Variants in INSC observed in about 807,000 individuals in gnomAD.
INSC encodes protein inscuteable homolog.
INSC carries 67 observed loss-of-function variants against 58.6 expected under a neutral mutation model. The ratio of observed to expected loss-of-function variants is 1.14; its 90% CI spans 0.94 to 1.40. The LOEUF is 1.40. Ranked by LOEUF, INSC falls within the 40% of genes most tolerant of loss-of-function variation. The probability of loss-of-function intolerance (pLI) is 0.00; values close to 1 mark genes in which losing one functional copy is unlikely to be tolerated. For synonymous variants in INSC, 262 were observed against 276.1 expected, an observed-to-expected ratio of 0.95 and a Z score of 0.51; for missense variants, 714 against 692.0, an observed-to-expected ratio of 1.03 and a Z score of -0.36.
At chr11:15,265,703 A>G in the INSC span, among the ~76,000 whole-genome samples, 1 of 151,576 alleles carries the variant, frequency 6.6e-6, no homozygotes, top group Non-Finnish European at 1.5e-5. Context: ...TTACTAGTTT[A>G]TTTAAAGTAC....
intron 2 of INSC, among the ~76,000 whole-genome samples, chr11:15,164,423 C>A (rs564854674): frequency 3.3e-5 from 5 of 152,188 alleles, no homozygotes; most frequent in Non-Finnish European, 7.3e-5. Context: ...CTGAACATCT[C>A]GTTCCTGTGC....
At chr11:15,209,668 T>C (rs1316189936) in intron 7 of INSC, among the ~76,000 whole-genome samples, 1 of 152,020 alleles carries the variant, frequency 6.6e-6, no homozygotes, top group African/African-American at 2.4e-5. Flanking sequence ...CACAGGTGAA[T>C]AATGTTTGCT....
chr11:15,234,356 G>T (rs1193265039), intron 9 of INSC, among the ~76,000 whole-genome samples: 1 of 152,192 alleles, frequency 6.6e-6, no homozygotes, highest in Non-Finnish European at 1.5e-5. Flanking sequence ...ATATGGTAAA[G>T]TTTTTCCTTT....
intron 1 of INSC, among the ~76,000 whole-genome samples, chr11:15,134,629 C>G (rs1848199973): frequency 6.6e-6 from 1 of 152,178 alleles, no homozygotes; most frequent in Admixed American, 6.5e-5. Flanking sequence ...AAGTGACTTC[C>G]ATGTGTGTAG....
chr11:15,214,071 T>C (rs1403598484), intron 7 of INSC, among the ~76,000 whole-genome samples: 4 of 152,246 alleles, frequency 2.6e-5, no homozygotes, highest in Non-Finnish European at 5.9e-5. Context: ...CCCATGGGTT[T>C]ATTTATTCCA....
intron 1 of INSC, among the ~76,000 whole-genome samples, chr11:15,137,898 G>T (rs1848282738): frequency 6.6e-6 from 1 of 152,118 alleles, no homozygotes; most frequent in African/African-American, 2.4e-5. Flanking sequence ...CCTAGATTTT[G>T]GCCTATCTGG....
rs140669524 is a variant in INSC at position 15,245,643 on chromosome 11, C to A, written c.1471-269C>A. 7.3e-3 allele frequency among the ~76,000 whole-genome samples: 1,104 copies of A among 152,178 alleles called. 9 individuals are homozygous for A. Among genetic ancestry groups the A allele is most frequent in the African/African-American group, 0.025 (1,035 of 41,498 alleles). ...CTAGGGATCTGGAAATAATAAAGAC[C>A]ATTATTAAGATTATTAACAGCTTTC... is the stretch of plus-strand genomic sequence containing the variant. On this transcript the variant is annotated intron_variant, in intron 12 of 12. Coordinates refer to ENST00000379556, the MANE Select transcript of INSC (RefSeq NM_001042536.3).
intron 7 of INSC, among the ~76,000 whole-genome samples, chr11:15,219,988 A>G (rs536769246): frequency 5.8e-4 from 89 of 152,246 alleles, no homozygotes; most frequent in African/African-American, 2.1e-3. Context: ...GTTCCCTTTT[A>G]TTAAGCACAT....
chr11:15,229,110 A>G (rs1589996651), intron 9 of INSC, among the ~76,000 whole-genome samples: 2 of 152,276 alleles, frequency 1.3e-5, no homozygotes, highest in East Asian at 3.9e-4. Flanking sequence ...CTATCCGTCA[A>G]GCAGGGACAA....
intron 7 of INSC, among the ~76,000 whole-genome samples, chr11:15,204,204 C>G (rs1343708448): frequency 1.3e-5 from 2 of 152,226 alleles, no homozygotes; most frequent in Non-Finnish European, 2.9e-5. Flanking sequence ...TATTCCTTGC[C>G]ATCCTGTTAT....
chr11:15,161,869 T>A (rs1420321541), intron 2 of INSC, among the ~76,000 whole-genome samples: 1 of 152,202 alleles, frequency 6.6e-6, no homozygotes, highest in African/African-American at 2.4e-5. Flanking sequence ...TTAGTCACAT[T>A]TGACTGGGGC....
chr11:15,224,347 G>C (rs1851551749), intron 8 of INSC, among the ~76,000 whole-genome samples: 1 of 152,090 alleles, frequency 6.6e-6, no homozygotes, highest in Admixed American at 6.5e-5. Flanking sequence ...TAATGTTATT[G>C]GTAGAAAAAG....
intron 1 of INSC, among the ~76,000 whole-genome samples, chr11:15,116,384 C>A (rs537266540): frequency 1.3e-5 from 2 of 152,294 alleles, no homozygotes; most frequent in African/African-American, 4.8e-5. Context: ...TTCGTTCAAC[C>A]CTACTTTGAG....
intron 9 of INSC, among the ~76,000 whole-genome samples, chr11:15,229,639 C>T (rs1289596117): frequency 6.6e-6 from 1 of 151,722 alleles, no homozygotes; most frequent in Non-Finnish European, 1.5e-5. Context: ...AGCGAATACC[C>T]AATAATGAAT....
At chr11:15,208,970 G>T (rs1480391067) in intron 7 of INSC, among the ~76,000 whole-genome samples, 2 of 152,156 alleles carry the variant, frequency 1.3e-5, no homozygotes, top group East Asian at 3.9e-4. Flanking sequence ...TACAAATTCA[G>T]GGCAGTGAGG....
chr11:15,138,853 T>A (rs987339284), intron 1 of INSC, among the ~76,000 whole-genome samples: 4 of 152,182 alleles, frequency 2.6e-5, no homozygotes, highest in Non-Finnish European at 5.9e-5. Flanking sequence ...AGAGAGGCCT[T>A]AGTAAGAGGC....
chr11:15,124,360 A>G (rs762772020), intron 1 of INSC, among the ~76,000 whole-genome samples: 20 of 152,140 alleles, frequency 1.3e-4, no homozygotes, highest in Non-Finnish European at 2.1e-4. Context: ...CTCTTGGCTC[A>G]CTATCTGCTT....
At chr11:15,112,002 G>T (rs1376604275), upstream of INSC, among the ~76,000 whole-genome samples, 2 of 152,196 alleles carry the variant, frequency 1.3e-5, no homozygotes, top group Non-Finnish European at 2.9e-5. Context: ...TGATTAGAAT[G>T]TATATTATCT....
At chr11:15,256,451 G>A in the INSC span, among the ~76,000 whole-genome samples, 2 of 151,564 alleles carry the variant, frequency 1.3e-5, no homozygotes, top group Non-Finnish European at 2.9e-5. Flanking sequence ...TTATCAGGTT[G>A]GCACTTTCGT....
Sources: allele counts gnomAD v4.1 joint callset (sites outside exome capture counted in the v4.1 genomes callset), GRCh38; gene constraint gnomAD v4.1.1; transcripts MANE v1.5; gene names NCBI Gene and HGNC (gene_info 2026-07-23, HGNC 2026-07-21).